The following RTN4 variants were observed in gnomAD, a reference collection of about 807,000 sequenced individuals.
The protein encoded by RTN4 is reticulon 4, also known as reticulon-4.
In RTN4, 32 loss-of-function variants were observed where a neutral mutation model predicts 90.4. The ratio of observed to expected loss-of-function variants is 0.35; its 90% confidence interval spans 0.27 to 0.48. The LOEUF (loss-of-function observed/expected upper bound fraction) is 0.48, where lower values mean the gene tolerates loss of function less well. Among genes scored for constraint, RTN4 ranks in the 20% least tolerant of loss-of-function variants. RTN4 has a pLI of 0.99. For missense variants in RTN4, 1,706 were observed against 1,430.2 expected (o/e 1.19, Z -3.11); for synonymous variants, 629 against 552.5 (o/e 1.14, Z -1.94).
At chr2:55,043,777 T>C (rs565815840) in intron 1 of RTN4, among the ~76,000 whole-genome samples, 1 of 151,888 alleles carries the variant, frequency 6.6e-6, no homozygotes. Flanking sequence ...TCCCAGCTAC[T>C]CGGGAGGCTG....
At chr2:55,079,490 A>G (rs955186842) in intron 2 of RTN4, among the ~76,000 whole-genome samples, 1 of 152,206 alleles carries the variant, frequency 6.6e-6, no homozygotes, top group East Asian at 1.9e-4. Flanking sequence ...TGTCAGGTAA[A>G]GTGGCAGAAG....
At chr2:54,993,031 G>T (rs1450154895) in intron 3 of RTN4, among the ~76,000 whole-genome samples, 2 of 142,278 alleles carry the variant, frequency 1.4e-5, no homozygotes, top group Non-Finnish European at 1.5e-5. Flanking sequence ...CCGAGATTGC[G>T]CCACTGCACT....
intron 2 of RTN4, among the ~76,000 whole-genome samples, chr2:55,058,883 T>C (rs144913626): frequency 7.2e-5 from 11 of 151,768 alleles, no homozygotes; most frequent in African/African-American, 2.7e-4. Context: ...TTTTAAATTA[T>C]AATAATAGAG....
upstream of RTN4, chr2:55,050,532 G>A: frequency 2.7e-6 from 1 of 368,868 alleles, no homozygotes; most frequent in Non-Finnish European, 4.8e-6. The surrounding 1 kb of genome is among the most constrained non-coding windows in gnomAD (Gnocchi z 4.6). Context: ...GATGAGCTAG[G>A]AGTGAGGCCA....
At chr2:55,030,787 A>G (rs997136654) in intron 1 of RTN4, among the ~76,000 whole-genome samples, 3 of 152,190 alleles carry the variant, frequency 2.0e-5, no homozygotes, top group African/African-American at 7.2e-5. Context: ...GGATGTATTT[A>G]TGTACAAGTG....
chr2:55,135,569 GCTT>G, the RTN4 span, among the ~76,000 whole-genome samples: 1 of 152,138 alleles, frequency 6.6e-6, no homozygotes, highest in Non-Finnish European at 1.5e-5. Context: ...AAATCATTCT[GCTT>G]CTTTTTTTAC....
chr2:55,036,148 C>T (rs185801880), intron 1 of RTN4, among the ~76,000 whole-genome samples: 48 of 152,110 alleles, frequency 3.2e-4, no homozygotes, highest in African/African-American at 8.7e-4. Flanking sequence ...GGATATAACA[C>T]GAAAATTAAA....
At chr2:55,104,283 C>G (rs768022089) in intron 1 of RTN4, among the ~76,000 whole-genome samples, 2 of 151,938 alleles carry the variant, frequency 1.3e-5, no homozygotes, top group Non-Finnish European at 2.9e-5. Flanking sequence ...TCTCAAACTC[C>G]TGACCTCAAG....
At chr2:55,043,081 G>C (rs1683182020) in intron 1 of RTN4, among the ~76,000 whole-genome samples, 1 of 152,176 alleles carries the variant, frequency 6.6e-6, no homozygotes, top group Non-Finnish European at 1.5e-5. Context: ...GCATTAGTCT[G>C]AGAAAATCTT....
chr2:55,079,971 T>A (rs918353947), intron 2 of RTN4, among the ~76,000 whole-genome samples: 2 of 152,238 alleles, frequency 1.3e-5, no homozygotes, highest in African/African-American at 4.8e-5. Context: ...AATAATACTA[T>A]GACCTATCTG....
At chr2:55,070,545 C>CCA (rs1491522379) in intron 2 of RTN4, among the ~76,000 whole-genome samples, 6 of 67,324 alleles carry the variant, frequency 8.9e-5, no homozygotes, top group Admixed American at 5.8e-4. Flanking sequence ...GACTCTGTCT[C>CCA]AAAAAAAAAA....
intron 5 of RTN4, among the ~76,000 whole-genome samples, chr2:54,975,603 C>A (rs984774910): frequency 6.6e-6 from 1 of 152,152 alleles, no homozygotes; most frequent in Non-Finnish European, 1.5e-5. Context: ...AAAATGTACA[C>A]CACCCACTCT....
chr2:54,987,095 A>G (rs1678623881), intron 4 of RTN4, among the ~76,000 whole-genome samples: 1 of 152,232 alleles, frequency 6.6e-6, no homozygotes, highest in Non-Finnish European at 1.5e-5. Flanking sequence ...AAAGCATAAC[A>G]GAAAACATCA....
the RTN4 span, among the ~76,000 whole-genome samples, chr2:55,124,448 G>C: frequency 1.3e-5 from 2 of 152,164 alleles, no homozygotes; most frequent in Non-Finnish European, 2.9e-5. Flanking sequence ...AAATCAGAAA[G>C]GCAATCCCAT....
At chr2:55,008,304 T>G (rs926444360) in intron 3 of RTN4, among the ~76,000 whole-genome samples, 2 of 152,062 alleles carry the variant, frequency 1.3e-5, no homozygotes, top group Non-Finnish European at 2.9e-5. Context: ...GACCCTAGAT[T>G]AGGCTCCTTC....
chr2:55,061,223 A>T (rs2105003669), intron 2 of RTN4, among the ~76,000 whole-genome samples: 1 of 151,794 alleles, frequency 6.6e-6, no homozygotes, highest in East Asian at 1.9e-4. Flanking sequence ...ACGCCACCAC[A>T]CCCAGCTGAT....
chr2:55,094,180 G>C (rs1052567929), intron 1 of RTN4, among the ~76,000 whole-genome samples: 2 of 152,110 alleles, frequency 1.3e-5, no homozygotes, highest in Non-Finnish European at 2.9e-5. Context: ...TCCCCATGAT[G>C]GGATTAGTGC....
chr2:55,119,880 T>C, the RTN4 span, among the ~76,000 whole-genome samples: 2 of 152,194 alleles, frequency 1.3e-5, no homozygotes, highest in African/African-American at 2.4e-5. Flanking sequence ...AGTCAGACCA[T>C]TGACCAGCTG....
intron 1 of RTN4, chr2:55,049,291 C>G (rs1667959242): frequency 1.1e-5 from 5 of 442,886 alleles, no homozygotes; most frequent in Non-Finnish European, 1.5e-5. Context: ...CGCAGCAAAA[C>G]TGCACCTTTT....
Sources: allele counts gnomAD v4.1 joint callset (sites outside exome capture counted in the v4.1 genomes callset), GRCh38; gene constraint gnomAD v4.1.1; non-coding constraint Gnocchi (gnomAD v3.1); transcripts MANE v1.5; gene names NCBI Gene and HGNC (gene_info 2026-07-23, HGNC 2026-07-21).